DCAF8L2: variants seen among roughly 807,000 people sequenced by gnomAD.
DCAF8L2 encodes DDB1- and CUL4-associated factor 8-like protein 2.
For synonymous variants in DCAF8L2, 200 were observed against 190.9 expected (o/e 1.05, Z -0.39); for missense variants, 430 against 490.7 (o/e 0.88, Z 1.17).
At chrX:27,678,573 T>C (rs773859519) in intron 3 of DCAF8L2, among the ~76,000 whole-genome samples, 8 of 112,312 alleles carry the variant, frequency 7.1e-5, no homozygotes, top group Admixed American at 5.7e-4. Flanking sequence ...CATTGTGCTT[T>C]GAGAAATAAG....
intron 4 of DCAF8L2, among the ~76,000 whole-genome samples, chrX:27,720,667 C>T (rs1299287125): frequency 6.2e-5 from 7 of 112,023 alleles, no homozygotes; most frequent in Admixed American, 4.7e-4. Flanking sequence ...GCCACCGCGC[C>T]CTGCCGATTA....
rs1431312373 is a variant in DCAF8L2, at chrX:27,748,462, C to T, written c.1567C>T (p.Pro523Ser). The T allele has an allele frequency of 2.5e-6, 3 of 1,208,749 alleles. No homozygotes were observed. Among genetic ancestry groups the T allele is most frequent in the Admixed American group, 2.2e-5 (1 of 45,768 alleles). Residue 523 changes from proline to serine, a missense_variant, in exon 5 of 5, where the codon CCT (proline) becomes TCT (serine). By Grantham distance (74) the Pro-to-Ser change is moderately conservative. Transcript: ENST00000451261. ...TACAATAAACTGTCTTGAACCCCACCCTTACCTACCTGTGTTGGCGTGCAG... is the reference window on the plus strand; with the variant it reads ...TACAATAAACTGTCTTGAACCCCACTCTTACCTACCTGTGTTGGCGTGCAG... ...EGTINCLEPH[P>S]YLPVLACSGL...
chrX:27,517,930 T>C, the DCAF8L2 span: 1 of 1,194,727 alleles, frequency 8.4e-7, no homozygotes, highest in Non-Finnish European at 1.1e-6. Context: ...GTGAAAACAG[T>C]TGGTTTGCGT....
intron 2 of DCAF8L2, chrX:27,633,723 G>A (rs1333859279): frequency 8.1e-5 from 9 of 111,259 alleles, no homozygotes; most frequent in Admixed American, 2.9e-4. Context: ...TTCATCCCTC[G>A]TTTCTTAAAA....
At chrX:27,724,000 A>C (rs1486458135) in intron 4 of DCAF8L2, among the ~76,000 whole-genome samples, 1 of 111,015 alleles carries the variant, frequency 9.0e-6, no homozygotes, top group Admixed American at 9.6e-5. Context: ...TAAGAAATGA[A>C]GCTAGTGAAT....
the DCAF8L2 span, among the ~76,000 whole-genome samples, chrX:27,575,828 T>C: frequency 8.9e-6 from 1 of 112,285 alleles, no homozygotes; most frequent in Admixed American, 9.5e-5. Context: ...TAAAGGAATT[T>C]ATCTGAACTA....
intron 2 of DCAF8L2, chrX:27,632,869 A>T (rs1289335554): frequency 9.0e-6 from 1 of 111,571 alleles, no homozygotes; most frequent in Non-Finnish European, 1.9e-5. Flanking sequence ...TTCAGTGTCT[A>T]CCTTATCTTA....
chrX:27,711,852 C>G (rs1931544567), intron 3 of DCAF8L2, among the ~76,000 whole-genome samples: 1 of 110,540 alleles, frequency 9.0e-6, no homozygotes, highest in Admixed American at 9.7e-5. Flanking sequence ...GGGAAGTTAG[C>G]TAACTATGAA....
At chrX:27,522,292 G>A in the DCAF8L2 span, among the ~76,000 whole-genome samples, 8 of 112,289 alleles carry the variant, frequency 7.1e-5, no homozygotes, top group African/African-American at 2.6e-4. Context: ...CTCCCAAAGT[G>A]CTAGGATTAC....
intron 3 of DCAF8L2, among the ~76,000 whole-genome samples, chrX:27,702,736 ATAAC>A (rs924503350): frequency 3.6e-5 from 4 of 111,636 alleles, no homozygotes; most frequent in African/African-American, 1.3e-4. Context: ...ATAAAAATCC[ATAAC>A]TAACATCACA....
the DCAF8L2 span, among the ~76,000 whole-genome samples, chrX:27,535,841 T>C: frequency 2.7e-5 from 3 of 112,036 alleles, no homozygotes; most frequent in Admixed American, 2.9e-4. Flanking sequence ...TGAGGCATAG[T>C]AGGAGTCCAC....
the DCAF8L2 span, among the ~76,000 whole-genome samples, chrX:27,502,484 G>C: frequency 9.9e-6 from 1 of 101,063 alleles, no homozygotes; most frequent in Non-Finnish European, 2.0e-5. Flanking sequence ...AAAAATTACA[G>C]ATGTGTTCTT....
chrX:27,514,834 G>T, the DCAF8L2 span, among the ~76,000 whole-genome samples: 1 of 110,527 alleles, frequency 9.0e-6, no homozygotes, highest in African/African-American at 3.3e-5. Context: ...ATCTAAAAAG[G>T]CTGATTTTAT....
intron 1 of DCAF8L2, among the ~76,000 whole-genome samples, chrX:27,629,658 T>A (rs1376960273): frequency 8.9e-6 from 1 of 111,795 alleles, no homozygotes; most frequent in Non-Finnish European, 1.9e-5. Context: ...TTTTATTCTG[T>A]TCCATTGGTC....
intron 1 of DCAF8L2, among the ~76,000 whole-genome samples, chrX:27,624,568 G>A (rs771796040): frequency 9.1e-6 from 1 of 110,406 alleles, no homozygotes; most frequent in Non-Finnish European, 1.9e-5. Flanking sequence ...GAAAAATGAA[G>A]AAAACCAGAG....
chrX:27,570,502 C>T, the DCAF8L2 span, among the ~76,000 whole-genome samples: 1 of 111,540 alleles, frequency 9.0e-6, no homozygotes, highest in South Asian at 3.8e-4. Flanking sequence ...TAACAACTGA[C>T]AACCCTCCCT....
At chrX:27,552,283 C>G in the DCAF8L2 span, among the ~76,000 whole-genome samples, 1 of 111,377 alleles carries the variant, frequency 9.0e-6, no homozygotes, top group Admixed American at 9.6e-5. Context: ...CCTTCTTGTA[C>G]AGAATGTTTT....
Position 27,748,425 on chromosome X carries a change from G to A in DCAF8L2, c.1530G>A (p.Gly510=), listed in dbSNP as rs755497278. The A allele has an allele frequency of 1.7e-6, 2 of 1,204,419 alleles. No homozygotes were observed. Among genetic ancestry groups the A allele is most frequent in the East Asian group, 3.0e-5 (1 of 33,711 alleles). ...GCCAAATCATCCAGTTCCTAAAGGG[G>A]AGCAGAGAAGGTACAATAAACTGTC... ...SSCQIIQFLK[G]SREGTINCLE... Residue 510 remains glycine (G), a synonymous_variant, in exon 5 of 5, where the codon GGG becomes GGA. Transcript: ENST00000451261.
At chrX:27,717,843 T>A (rs1367511703) in intron 4 of DCAF8L2, among the ~76,000 whole-genome samples, 1 of 112,251 alleles carries the variant, frequency 8.9e-6, no homozygotes, top group Non-Finnish European at 1.9e-5. Flanking sequence ...AAATGTGAAA[T>A]TTTTAAAGTA....
Sources: allele counts gnomAD v4.1 joint callset (sites outside exome capture counted in the v4.1 genomes callset), GRCh38; gene constraint gnomAD v4.1.1; transcripts MANE v1.5; gene names NCBI Gene and HGNC (gene_info 2026-07-23, HGNC 2026-07-21).